The following SLC25A21 variants were observed in gnomAD, a reference collection of about 807,000 sequenced individuals.
SLC25A21 encodes the protein mitochondrial 2-oxodicarboxylate carrier.
A neutral mutation model predicts 43.8 loss-of-function variants in SLC25A21; 47 were observed. That is an observed-to-expected ratio of 1.07 (90% CI 0.85 to 1.37). The LOEUF (loss-of-function observed/expected upper bound fraction) is 1.37. SLC25A21 is among the 40% of genes most tolerant of loss of function. SLC25A21 has a pLI of 0.00. For missense variants in SLC25A21, 352 were observed against 350.2 expected (o/e 1.00, Z -0.04); for synonymous variants, 131 against 121.3 (o/e 1.08, Z -0.52).
chr14:36,824,919 A>G (rs552023470), intron 2 of SLC25A21, among the ~76,000 whole-genome samples: 1 of 152,082 alleles, frequency 6.6e-6, no homozygotes, highest in South Asian at 2.1e-4. Context: ...TAGACTATGA[A>G]TGGAGAGAGA....
intron 1 of SLC25A21, among the ~76,000 whole-genome samples, chr14:37,140,949 C>A (rs962077694): frequency 1.3e-5 from 2 of 152,018 alleles, no homozygotes; most frequent in Non-Finnish European, 2.9e-5. Context: ...GAGTTCGAGA[C>A]CAACCTTGCC....
At chr14:37,170,906 G>A (rs1254271084) in intron 1 of SLC25A21, among the ~76,000 whole-genome samples, 6 of 141,046 alleles carry the variant, frequency 4.3e-5, no homozygotes, top group South Asian at 2.4e-4. Context: ...GCAACATGGC[G>A]AAAGCCCGTC....
At chr14:37,055,774 G>A (rs188155308) in intron 1 of SLC25A21, among the ~76,000 whole-genome samples, 8 of 152,246 alleles carry the variant, frequency 5.3e-5, no homozygotes, top group Middle Eastern at 3.4e-3. Context: ...AAAAGAGTAC[G>A]TAATAGCTCC....
chr14:37,141,296 T>G (rs897972391), intron 1 of SLC25A21, among the ~76,000 whole-genome samples: 1 of 152,142 alleles, frequency 6.6e-6, no homozygotes, highest in African/African-American at 2.4e-5. Context: ...AATACCATAA[T>G]GACTAGCTAA....
At chr14:36,876,938 T>TAGATAAATAGATAG (rs987309216) in intron 1 of SLC25A21, among the ~76,000 whole-genome samples, 1 of 76,642 alleles carries the variant, frequency 1.3e-5, no homozygotes, top group East Asian at 2.9e-4. Context: ...GATAGATAGA[T>TAGATAAATAGATAG]ACACACACAC....
intron 3 of SLC25A21, among the ~76,000 whole-genome samples, chr14:36,810,302 C>T (rs1888193980): frequency 6.6e-6 from 1 of 152,114 alleles, no homozygotes; most frequent in African/African-American, 2.4e-5. Context: ...GAAGCAGAAA[C>T]ATCAAATTCT....
intron 1 of SLC25A21, among the ~76,000 whole-genome samples, chr14:37,121,790 A>C (rs1445557837): frequency 5.7e-5 from 1 of 17,670 alleles, no homozygotes; most frequent in Non-Finnish European, 1.8e-4. Flanking sequence ...CTCCATCTCA[A>C]AAAGAACCAA....
At chr14:36,878,522 A>G (rs1176133963) in intron 1 of SLC25A21, among the ~76,000 whole-genome samples, 1 of 152,182 alleles carries the variant, frequency 6.6e-6, no homozygotes, top group Non-Finnish European at 1.5e-5. Flanking sequence ...GACCCTGATT[A>G]TTATTTATGA....
Position 36,781,266 on chromosome 14 carries a change from GT to G in SLC25A21, c.203+32651del, listed in dbSNP as rs1019933038. Among the ~76,000 whole-genome samples, 7 of 152,140 alleles carry G rather than the reference GT, an allele frequency of 4.6e-5. No individual in the cohort carries two copies. The East Asian group carries it at 5.8e-4, about 13-fold the overall frequency. On this transcript the variant is annotated intron_variant, in intron 3 of 9. Coordinates refer to ENST00000331299, the MANE Select transcript of SLC25A21 (RefSeq NM_030631.4). ...GCACATGGTTGGGTCTTATTTTATA[GT>G]TTTTTTAAATCCGTTCAGCCACTTT... is the stretch of plus-strand genomic sequence containing the variant.
At chr14:37,101,397 T>C (rs150173491) in intron 1 of SLC25A21, among the ~76,000 whole-genome samples, 4 of 152,318 alleles carry the variant, frequency 2.6e-5, no homozygotes, top group Admixed American at 2.6e-4. Flanking sequence ...CTGTGAGATA[T>C]ACCCCGAATC....
At chr14:37,005,522 T>A (rs60846053) in intron 1 of SLC25A21, among the ~76,000 whole-genome samples, 17,736 of 152,198 alleles carry the variant, frequency 0.12, 3,464 homozygotes, top group African/African-American at 0.4. Flanking sequence ...TTGTACAAAC[T>A]ATAAAACACA....
intron 1 of SLC25A21, among the ~76,000 whole-genome samples, chr14:37,120,099 T>C (rs1157063662): frequency 2.0e-5 from 3 of 152,210 alleles, no homozygotes; most frequent in Non-Finnish European, 4.4e-5. Flanking sequence ...ATAATATTTT[T>C]ATACCTTCTA....
At chr14:36,790,543 A>G (rs1419212148) in intron 3 of SLC25A21, among the ~76,000 whole-genome samples, 1 of 152,154 alleles carries the variant, frequency 6.6e-6, no homozygotes, top group African/African-American at 2.4e-5. Flanking sequence ...CCTATATTGG[A>G]TAAATACTCA....
chr14:37,119,483 G>A (rs1383747963), intron 1 of SLC25A21, among the ~76,000 whole-genome samples: 2 of 152,088 alleles, frequency 1.3e-5, no homozygotes, highest in Non-Finnish European at 2.9e-5. Flanking sequence ...CTTGAACCTG[G>A]GAGATGGAGG....
intron 2 of SLC25A21, among the ~76,000 whole-genome samples, chr14:36,857,927 AT>A (rs1036795547): frequency 6.6e-6 from 1 of 152,066 alleles, no homozygotes; most frequent in Non-Finnish European, 1.5e-5. Context: ...CGGGGGGAAT[AT>A]TTTTTTCACA....
chr14:36,806,217 T>C (rs1042855524), intron 3 of SLC25A21, among the ~76,000 whole-genome samples: 3 of 152,060 alleles, frequency 2.0e-5, no homozygotes, highest in African/African-American at 4.8e-5. Flanking sequence ...TTTTTATTTA[T>C]TTTTACTTTT....
chr14:36,735,998 G>A (rs907624677), intron 3 of SLC25A21, among the ~76,000 whole-genome samples: 5 of 145,390 alleles, frequency 3.4e-5, no homozygotes, highest in Non-Finnish European at 7.5e-5. Flanking sequence ...GTGCAGGGGC[G>A]CATCTCGGCT....
chr14:37,028,121 T>A (rs1047695281), intron 1 of SLC25A21, among the ~76,000 whole-genome samples: 1 of 152,118 alleles, frequency 6.6e-6, no homozygotes, highest in Non-Finnish European at 1.5e-5. Context: ...ACTGTAAATA[T>A]TTTTTTGTAA....
intron 1 of SLC25A21, among the ~76,000 whole-genome samples, chr14:36,879,218 T>C (rs1031688379): frequency 6.6e-6 from 1 of 152,144 alleles, no homozygotes; most frequent in East Asian, 1.9e-4. Context: ...CATGACAGTA[T>C]GAAAATAATT....
Sources: allele counts gnomAD v4.1 joint callset (sites outside exome capture counted in the v4.1 genomes callset), GRCh38; gene constraint gnomAD v4.1.1; transcripts MANE v1.5; gene names NCBI Gene and HGNC (gene_info 2026-07-23, HGNC 2026-07-21).